Variants in C6 observed in about 807,000 individuals in gnomAD.
C6 encodes the protein complement C6, also known as complement component C6.
C6 carries 101 observed loss-of-function variants against 112.9 expected under a neutral mutation model. The observed-to-expected ratio is 0.89, with a 90% confidence interval of 0.76 to 1.06. The LOEUF is 1.06. Among genes scored for constraint, C6 ranks in the 50% least tolerant of loss-of-function variants. The pLI is 0.00. For missense variants in C6, 1,202 were observed against 1,104.6 expected, an observed-to-expected ratio of 1.09 and a Z score of -1.25; for synonymous variants, 431 against 384.1, an observed-to-expected ratio of 1.12 and a Z score of -1.43.
chr5:41,199,802 C>G lies in C6; in HGVS notation c.411G>C (p.Glu137Asp), dbSNP rs142045537. ...CIPSKLCKIE[E>D]ADCKNKFRCD... is the part of the protein sequence containing the mutation. ...AGCGAAATTTATTCTTGCAGTCAGCCTCTTCAATTTTGCAGAGCTTAGATG... is the reference window on the plus strand; with the variant it reads ...AGCGAAATTTATTCTTGCAGTCAGCGTCTTCAATTTTGCAGAGCTTAGATG... The change falls in exon 4 of 18, where the codon GAG becomes GAC. Residue 137 changes from glutamate (E) to aspartate (D), a missense_variant. Physicochemically the swap from Glu to Asp is conservative, Grantham distance 45. Coordinates refer to ENST00000337836, the MANE Select transcript of C6 (RefSeq NM_000065.5). 1.9e-6 allele frequency: 3 copies of G among 1,613,812 alleles called. No homozygotes were observed. Among genetic ancestry groups the G allele is most frequent in the Non-Finnish European group, 2.5e-6 (3 of 1,179,766 alleles).
chr5:41,237,231 G>T (rs372646425), intron 1 of C6, among the ~76,000 whole-genome samples: 2 of 129,858 alleles, frequency 1.5e-5, no homozygotes, highest in Non-Finnish European at 3.2e-5. Flanking sequence ...ATTTTATGAG[G>T]CCAGCATCAT....
chr5:41,222,478 C>T (rs1171283682), intron 1 of C6, among the ~76,000 whole-genome samples: 1 of 151,682 alleles, frequency 6.6e-6, no homozygotes, highest in Non-Finnish European at 1.5e-5. Context: ...AACATATAAA[C>T]AAGAGCACAA....
chr5:41,165,670 C>G (rs1425938807), intron 9 of C6, among the ~76,000 whole-genome samples: 1 of 152,096 alleles, frequency 6.6e-6, no homozygotes, highest in African/African-American at 2.4e-5. Context: ...ATAATTATAG[C>G]AGACATGTAT....
chr5:41,204,049 T>G (rs1235288518), intron 1 of C6, among the ~76,000 whole-genome samples: 1 of 152,260 alleles, frequency 6.6e-6, no homozygotes. Flanking sequence ...CCATGAGTTA[T>G]TTGCAAAACC....
intron 3 of C6, among the ~76,000 whole-genome samples, chr5:41,201,329 A>G (rs1751016301): frequency 6.6e-6 from 1 of 152,188 alleles, no homozygotes; most frequent in South Asian, 2.1e-4. Flanking sequence ...TACAATATCA[A>G]TACTGGGAGC....
intron 3 of C6, among the ~76,000 whole-genome samples, chr5:41,201,006 A>G (rs1456639940): frequency 6.7e-6 from 1 of 149,794 alleles, no homozygotes; most frequent in Non-Finnish European, 1.5e-5. Context: ...ATGATGCCAC[A>G]GTGGAGTATT....
intron 8 of C6, among the ~76,000 whole-genome samples, chr5:41,174,603 G>T (rs1225232184): frequency 6.6e-6 from 1 of 152,048 alleles, no homozygotes; most frequent in African/African-American, 2.4e-5. Context: ...TTTTATTCAA[G>T]GTTTTAACTT....
intron 1 of C6, among the ~76,000 whole-genome samples, chr5:41,259,534 AAT>A (rs1424803871): frequency 7.2e-6 from 1 of 138,492 alleles, no homozygotes; most frequent in East Asian, 2.1e-4. Context: ...AAAAAAAAAA[AAT>A]CTCTGTTTTC....
At chr5:41,254,270 G>A (rs541996013) in intron 1 of C6, among the ~76,000 whole-genome samples, 1 of 152,194 alleles carries the variant, frequency 6.6e-6, no homozygotes, top group South Asian at 2.1e-4. Flanking sequence ...GCCGGGTGTG[G>A]TGATGGGCGC....
At chr5:41,185,953 T>C in intron 6 of C6, 117 bp downstream of exon 6, 1 of 1,240,766 alleles carries the variant, frequency 8.1e-7, no homozygotes, top group Non-Finnish European at 1.2e-6. Flanking sequence ...TAACACGTGA[T>C]TAAAATGGTT....
chr5:41,220,059 T>G (rs1220840406), intron 1 of C6, among the ~76,000 whole-genome samples: 1 of 152,206 alleles, frequency 6.6e-6, no homozygotes, highest in East Asian at 1.9e-4. Context: ...TAGTTGTATT[T>G]TTTATTAATG....
rs1025109624 is a variant in C6 at position 41,142,729 on chromosome 5, T to C, written c.*96A>G. ...TAATTTTTGTCAGTAACTTTGAGCA[T>C]GCCAGTCTGCTGTTTGTGCAAGAAT... is the stretch of plus-strand genomic sequence containing the variant. On this transcript the variant is annotated 3_prime_UTR_variant, in exon 18 of 18. Transcript: ENST00000337836. The C allele has an allele frequency of 2.1e-6, 2 of 952,918 alleles. No individual in the cohort carries two copies. The highest frequency in any genetic ancestry group is 1.3e-5 in the South Asian group (1 of 77,416). 59.0% of individuals were successfully genotyped at this position (952,918 alleles called of 1,614,324 possible). A position where few individuals can be genotyped will look rare whatever the true frequency, so the allele number is the denominator to read the frequency against.
intron 1 of C6, 29 bp from the exon 2 acceptor site, chr5:41,203,279 C>A: frequency 6.2e-7 from 1 of 1,610,530 alleles, no homozygotes; most frequent in Non-Finnish European, 8.5e-7. Flanking sequence ...TAACACATAT[C>A]AAATGCTTTT....
At chr5:41,153,273 G>C (rs530174262) in intron 15 of C6, among the ~76,000 whole-genome samples, 8 of 152,228 alleles carry the variant, frequency 5.3e-5, no homozygotes, top group Admixed American at 5.2e-4. Flanking sequence ...TCTAGCTGTG[G>C]AACATTTCCT....
chr5:41,191,758 G>A (rs1013713412), intron 5 of C6, among the ~76,000 whole-genome samples: 4 of 148,010 alleles, frequency 2.7e-5, no homozygotes, highest in Admixed American at 2.0e-4. Context: ...TGTGTATCCT[G>A]CAACTTTACT....
intron 17 of C6, among the ~76,000 whole-genome samples, chr5:41,146,941 A>G (rs979220462): frequency 1.3e-5 from 2 of 152,136 alleles, no homozygotes; most frequent in Admixed American, 1.3e-4. Context: ...AATTATTTCC[A>G]ATAGAAGAGT....
intron 2 of C6, among the ~76,000 whole-genome samples, chr5:41,202,540 C>A (rs771137487): frequency 1.3e-5 from 2 of 152,122 alleles, no homozygotes; most frequent in Non-Finnish European, 2.9e-5. Context: ...CTTTTCTCCC[C>A]TAACATGTGA....
intron 1 of C6, among the ~76,000 whole-genome samples, chr5:41,238,489 A>T (rs1429049102): frequency 6.6e-6 from 1 of 152,232 alleles, no homozygotes; most frequent in Non-Finnish European, 1.5e-5. Flanking sequence ...CCAGGCGAAG[A>T]GGAGAATATG....
intron 15 of C6, among the ~76,000 whole-genome samples, chr5:41,152,069 G>T (rs1169091661): frequency 1.3e-5 from 2 of 150,630 alleles, no homozygotes; most frequent in African/African-American, 4.9e-5. Context: ...GGAAAGGAGA[G>T]GAAAAAAGAA....
Sources: allele counts gnomAD v4.1 joint callset (sites outside exome capture counted in the v4.1 genomes callset), GRCh38; gene constraint gnomAD v4.1.1; transcripts MANE v1.5; gene names NCBI Gene and HGNC (gene_info 2026-07-23, HGNC 2026-07-21).